Variants in ZFPM2 observed in about 807,000 individuals in gnomAD.
ZFPM2 encodes the protein zinc finger protein, FOG family member 2, also known as zinc finger protein ZFPM2.
A neutral mutation model predicts 98.6 loss-of-function variants in ZFPM2; 20 were observed. The ratio of observed to expected loss-of-function variants is 0.20; its 90% CI spans 0.14 to 0.29. ZFPM2 has a LOEUF of 0.29. ZFPM2 is among the 10% of genes least tolerant of loss of function. ZFPM2 has a pLI of 1.00. For missense variants in ZFPM2, 1,310 were observed against 1,388.6 expected (o/e 0.94, Z 0.90); for synonymous variants, 518 against 502.7 (o/e 1.03, Z -0.41).
intron 3 of ZFPM2, among the ~76,000 whole-genome samples, chr8:105,455,263 T>G (rs7006964): frequency 0.2 from 30,132 of 152,000 alleles, 6,038 homozygotes; most frequent in African/African-American, 0.51. Context: ...GGTAAAAGGG[T>G]TGTAAAGTAT....
intron 3 of ZFPM2, among the ~76,000 whole-genome samples, chr8:105,466,882 A>G (rs1196873555): frequency 6.6e-6 from 1 of 152,060 alleles, no homozygotes; most frequent in Non-Finnish European, 1.5e-5. Flanking sequence ...AATAGGGTGG[A>G]AAAAGCCTAA....
At chr8:105,496,133 C>T (rs1333399158) in intron 3 of ZFPM2, among the ~76,000 whole-genome samples, 1 of 152,066 alleles carries the variant, frequency 6.6e-6, no homozygotes, top group Non-Finnish European at 1.5e-5. Flanking sequence ...TATTGCATTA[C>T]ATTTAGGTTT....
chr8:105,795,876 G>GAAT, intron 6 of ZFPM2: 1 of 402,054 alleles, frequency 2.5e-6, no homozygotes, highest in Non-Finnish European at 4.9e-6. Context: ...CTTAAGAGGA[G>GAAT]AATAGATTCT....
At chr8:105,459,070 G>T (rs1812655179) in intron 3 of ZFPM2, among the ~76,000 whole-genome samples, 1 of 151,956 alleles carries the variant, frequency 6.6e-6, no homozygotes, top group African/African-American at 2.4e-5. Flanking sequence ...CACTTGAATG[G>T]CCCTTCTTTT....
rs183865862 is a variant in ZFPM2 at position 105,449,715 on chromosome 8, C to T, written c.301+5334C>T. 5.5e-3 allele frequency among the ~76,000 whole-genome samples: 829 copies of T among 152,100 alleles called. 7 individuals are homozygous for T. Among genetic ancestry groups the T allele is most frequent in the African/African-American group, 0.019 (798 of 41,536 alleles). On this transcript the variant is annotated intron_variant, in intron 3 of 7. Coordinates refer to ENST00000407775, the MANE Select transcript of ZFPM2 (RefSeq NM_012082.4). ...TGTGACTTTGAGCAAGCTATTAACA[C>T]TCCAAGGCCTCAGTTTCCTTGTTTG...
chr8:105,674,959 T>C (rs1810408468), intron 5 of ZFPM2, among the ~76,000 whole-genome samples: 1 of 151,992 alleles, frequency 6.6e-6, no homozygotes, highest in Admixed American at 6.6e-5. Flanking sequence ...AATTTAATGG[T>C]GATGGATTAG....
At chr8:105,697,303 AATCTT>A (rs1376964763) in intron 5 of ZFPM2, among the ~76,000 whole-genome samples, 2 of 152,230 alleles carry the variant, frequency 1.3e-5, no homozygotes, top group Non-Finnish European at 2.9e-5. Context: ...TGTTTGGTAC[AATCTT>A]AGACGGTGCA....
At chr8:105,758,189 AG>A (rs1418437880) in intron 5 of ZFPM2, among the ~76,000 whole-genome samples, 1 of 152,136 alleles carries the variant, frequency 6.6e-6, no homozygotes, top group East Asian at 1.9e-4. Flanking sequence ...AGAAGACCCA[AG>A]GTATATGCTT....
chr8:105,441,464 A>G lies in ZFPM2; in HGVS notation c.200-2816A>G, dbSNP rs1398065177. 3.0e-3 allele frequency among the ~76,000 whole-genome samples: 198 copies of G among 65,654 alleles called. 32 individuals are homozygous for G. Among genetic ancestry groups the G allele is most frequent in the African/African-American group, 0.022 (183 of 8,232 alleles). The allele number at this position is 65,654 out of a possible 152,430, so 43.1% of individuals were successfully genotyped here. On this transcript the variant is annotated intron_variant, in intron 2 of 7. Coordinates refer to ENST00000407775, the MANE Select transcript of ZFPM2 (RefSeq NM_012082.4). Reference sequence around the variant, plus strand: ...AGAGAGAGAGAGAGAGAAAGAAAGAAAGAAAGAAAGAAAGAAAGAAAGAAA... The same window carrying G: ...AGAGAGAGAGAGAGAGAAAGAAAGAGAGAAAGAAAGAAAGAAAGAAAGAAA...
At chr8:105,685,528 A>G (rs1282495788) in intron 5 of ZFPM2, among the ~76,000 whole-genome samples, 1 of 151,958 alleles carries the variant, frequency 6.6e-6, no homozygotes, top group Admixed American at 6.6e-5. Flanking sequence ...CTTTTTTTTT[A>G]AACACAAGTG....
chr8:105,531,580 G>A (rs1167941273), intron 3 of ZFPM2, among the ~76,000 whole-genome samples: 2 of 152,136 alleles, frequency 1.3e-5, no homozygotes, highest in Non-Finnish European at 2.9e-5. Flanking sequence ...TCCAAATAGT[G>A]TGACATCCTG....
At chr8:105,603,075 T>C (rs1365893692) in intron 4 of ZFPM2, among the ~76,000 whole-genome samples, 1 of 152,142 alleles carries the variant, frequency 6.6e-6, no homozygotes, top group African/African-American at 2.4e-5. Flanking sequence ...TTTTGCATAG[T>C]GGAATAGTAG....
chr8:105,569,225 C>T (rs1241732690), intron 4 of ZFPM2, among the ~76,000 whole-genome samples: 2 of 152,160 alleles, frequency 1.3e-5, no homozygotes, highest in Admixed American at 1.3e-4. Flanking sequence ...TTTTATCTTT[C>T]TATCCTTCCC....
At chr8:105,780,551 C>T (rs186095031) in intron 5 of ZFPM2, 1 of 152,332 alleles carries the variant, frequency 6.6e-6, no homozygotes, top group Admixed American at 6.5e-5. Context: ...ACTCATCATT[C>T]CTATATTCTT....
At chr8:105,392,240 T>C (rs1811123701) in intron 1 of ZFPM2, among the ~76,000 whole-genome samples, 1 of 152,206 alleles carries the variant, frequency 6.6e-6, no homozygotes, top group Admixed American at 6.5e-5. Context: ...GTTAACCCAA[T>C]CTTTACTCTT....
intron 4 of ZFPM2, chr8:105,616,731 C>T: frequency 2.9e-6 from 1 of 343,964 alleles, no homozygotes. Context: ...AAGATCCACA[C>T]CATAGTTTGG....
chr8:105,351,339 A>G (rs1446074092), intron 1 of ZFPM2, among the ~76,000 whole-genome samples: 2 of 147,750 alleles, frequency 1.4e-5, no homozygotes, highest in Non-Finnish European at 3.0e-5. Context: ...GTTCTCTTTT[A>G]TAGTTGCATT....
intron 5 of ZFPM2, among the ~76,000 whole-genome samples, chr8:105,741,412 T>C (rs1002327835): frequency 4.6e-5 from 7 of 152,102 alleles, no homozygotes; most frequent in African/African-American, 1.7e-4. Flanking sequence ...TGCTGTTGTT[T>C]AAGATCAAGA....
At chr8:105,624,986 G>A (rs1816625223) in intron 4 of ZFPM2, among the ~76,000 whole-genome samples, 1 of 152,122 alleles carries the variant, frequency 6.6e-6, no homozygotes, top group Admixed American at 6.5e-5. Flanking sequence ...ACATTTGTTA[G>A]CAGAAGTTCT....
Sources: allele counts gnomAD v4.1 joint callset (sites outside exome capture counted in the v4.1 genomes callset), GRCh38; gene constraint gnomAD v4.1.1; transcripts MANE v1.5; gene names NCBI Gene and HGNC (gene_info 2026-07-23, HGNC 2026-07-21).